Variants in SLC43A2 observed in about 807,000 individuals in gnomAD.
SLC43A2 encodes large neutral amino acids transporter small subunit 4.
SLC43A2 carries 38 observed loss-of-function variants against 63.2 expected under a neutral mutation model. The observed-to-expected ratio is 0.60, with a 90% CI of 0.46 to 0.79. The LOEUF is 0.79. Ranked by LOEUF, SLC43A2 falls within the 30% of genes least tolerant of loss-of-function variation. The pLI is 0.00. For missense variants in SLC43A2, 644 were observed against 756.2 expected, an observed-to-expected ratio of 0.85 and a Z score of 1.74; for synonymous variants, 322 against 331.0, an observed-to-expected ratio of 0.97 and a Z score of 0.30.
At chr17:1,627,315 C>T (rs1276777528) in intron 2 of SLC43A2, among the ~76,000 whole-genome samples, 1 of 152,152 alleles carries the variant, frequency 6.6e-6, no homozygotes, top group Non-Finnish European at 1.5e-5. Context: ...TGCACCCCAG[C>T]CCCTTAATCT....
In SLC43A2 at chr17:1,591,215, G is replaced by A. The variant is rs761339947; in HGVS notation, c.931+54C>T. 15 of 1,579,944 alleles carry A rather than the reference G, an allele frequency of 9.5e-6. No homozygotes were observed. The Admixed American group carries it at 1.2e-4, about 12-fold the overall frequency. ...GGGTGAGGTGGGAATGGGGTGAGCC[G>A]ATACCCACAGAGCACTCCCTGCCCG... On this transcript the variant is annotated intron_variant, in intron 8 of 13. Coordinates refer to ENST00000301335, the MANE Select transcript of SLC43A2 (RefSeq NM_152346.3).
intron 2 of SLC43A2, among the ~76,000 whole-genome samples, chr17:1,623,374 G>A (rs1908340467): frequency 6.6e-6 from 1 of 152,164 alleles, no homozygotes; most frequent in Non-Finnish European, 1.5e-5. Flanking sequence ...CATGCCCATG[G>A]TCAGACTGTG....
At chr17:1,597,584 G>A (rs1905436456) in intron 5 of SLC43A2, among the ~76,000 whole-genome samples, 1 of 150,490 alleles carries the variant, frequency 6.6e-6, no homozygotes. Context: ...CGGATCACCT[G>A]AGGTCAGGAG....
At chr17:1,614,062 T>C (rs1445410522) in intron 4 of SLC43A2, among the ~76,000 whole-genome samples, 2 of 151,940 alleles carry the variant, frequency 1.3e-5, no homozygotes, top group Non-Finnish European at 2.9e-5. Context: ...GTTAACACAG[T>C]GAAACCCCAT....
At chr17:1,581,311 C>T (rs371803705) in intron 11 of SLC43A2, among the ~76,000 whole-genome samples, 1 of 152,198 alleles carries the variant, frequency 6.6e-6, no homozygotes, top group Non-Finnish European at 1.5e-5. Flanking sequence ...AAAAAGATGA[C>T]TGTCCCCACT....
chr17:1,591,739 G>GGGGGGGGGGGTGGGGC, intron 6 of SLC43A2, 40 bp from the exon 7 acceptor site: 2 of 512,310 alleles, frequency 3.9e-6, no homozygotes, highest in Non-Finnish European at 7.8e-6. Context: ...GGGGGAGGGG[G>GGGGGGGGGGGTGGGGC]CAGAGTTAGC....
intron 5 of SLC43A2, among the ~76,000 whole-genome samples, chr17:1,607,721 C>CT (rs1371421738): frequency 3.5e-3 from 514 of 147,028 alleles, no homozygotes; most frequent in African/African-American, 9.5e-3. Flanking sequence ...AGACAATAGA[C>CT]TTTTTTTTTT....
chr17:1,615,571 C>A (rs546160138), intron 3 of SLC43A2, among the ~76,000 whole-genome samples: 15 of 149,818 alleles, frequency 1.0e-4, no homozygotes, highest in Non-Finnish European at 1.6e-4. Context: ...GGGCCAGGCA[C>A]GATGGCTCAC....
At chr17:1,586,498 C>T (rs990191527) in intron 9 of SLC43A2, among the ~76,000 whole-genome samples, 1 of 152,046 alleles carries the variant, frequency 6.6e-6, no homozygotes, top group Non-Finnish European at 1.5e-5. Flanking sequence ...AGTTCGAGAC[C>T]AGACTGACCA....
rs142760398 is a variant in SLC43A2 at position 1,589,003 on chromosome 17, C to G, written c.1078+1799G>C. On this transcript the variant is annotated intron_variant, in intron 9 of 13. Coordinates refer to ENST00000301335, the MANE Select transcript of SLC43A2 (RefSeq NM_152346.3). ...GCTCACGAGTGTGCGGAAAGTGACCCGGACCCTGCAGCTGCCTCTCGGCCG... is the reference window on the plus strand; with the variant it reads ...GCTCACGAGTGTGCGGAAAGTGACCGGGACCCTGCAGCTGCCTCTCGGCCG... 4.1e-3 allele frequency among the ~76,000 whole-genome samples: 621 copies of G among 152,332 alleles called. 2 individuals carry two copies. Among genetic ancestry groups the G allele is most frequent in the Non-Finnish European group, 6.7e-3 (454 of 68,034 alleles).
At chr17:1,610,835 C>T (rs1246226818) in intron 5 of SLC43A2, among the ~76,000 whole-genome samples, 1 of 150,392 alleles carries the variant, frequency 6.6e-6, no homozygotes. Context: ...TAAAGTCTTT[C>T]TTTTTTTCCT....
Position 1,575,365 on chromosome 17 carries a change from C to A in SLC43A2, c.*239G>T. On this transcript the variant is annotated 3_prime_UTR_variant, in exon 14 of 14. Transcript: ENST00000301335. ...ACAGAGACCCCAGGCCCCGGGTCCC[C>A]GGGGGGCGGCAGAGCAAAGTCAGGG... is the stretch of plus-strand genomic sequence containing the variant. 1 of 564,102 alleles carries A rather than the reference C, an allele frequency of 1.8e-6. No homozygotes were observed. The highest frequency in any genetic ancestry group is 3.3e-5 in the East Asian group (1 of 30,572). 34.9% of individuals were successfully genotyped at this position (564,102 alleles called of 1,614,324 possible). A position where few individuals can be genotyped will look rare whatever the true frequency, so the allele number is the denominator to read the frequency against.
At chr17:1,588,083 G>C (rs8075750) in intron 9 of SLC43A2, among the ~76,000 whole-genome samples, 62,231 of 152,206 alleles carry the variant, frequency 0.41, 15,100 homozygotes, top group Non-Finnish European at 0.56. Context: ...GGACAGCATG[G>C]GCCACGTCTT....
At chr17:1,619,167 T>C (rs143438624) in intron 2 of SLC43A2, among the ~76,000 whole-genome samples, 1,575 of 151,832 alleles carry the variant, frequency 0.01, 29 homozygotes, top group African/African-American at 0.035. Flanking sequence ...TAGCCGGGCA[T>C]GGTGGGCGTC....
intron 9 of SLC43A2, chr17:1,586,924 A>T: frequency 1.2e-5 from 18 of 1,470,220 alleles, no homozygotes; most frequent in Non-Finnish European, 1.6e-5. Context: ...GCATTCCCTG[A>T]CAATCCCCCC....
intron 8 of SLC43A2, 134 bp downstream of exon 8, chr17:1,591,135 A>AG (rs1904731231): frequency 7.6e-7 from 1 of 1,308,698 alleles, no homozygotes; most frequent in Admixed American, 2.3e-5. Flanking sequence ...TCCCTCCCCC[A>AG]GGCCTTCCTG....
intron 5 of SLC43A2, chr17:1,604,282 G>A (rs1224773538): frequency 6.5e-6 from 1 of 153,238 alleles, no homozygotes; most frequent in Non-Finnish European, 1.5e-5. Flanking sequence ...TCGAACTCCT[G>A]ACTTCAGGTG....
chr17:1,601,743 A>G (rs943864230), intron 5 of SLC43A2, among the ~76,000 whole-genome samples: 3 of 150,170 alleles, frequency 2.0e-5, no homozygotes, highest in South Asian at 2.1e-4. Context: ...GTCCAAACCA[A>G]TGCAAAGGTG....
intron 2 of SLC43A2, among the ~76,000 whole-genome samples, chr17:1,620,258 C>G (rs1908034239): frequency 6.6e-6 from 1 of 152,186 alleles, no homozygotes; most frequent in Non-Finnish European, 1.5e-5. Context: ...ACCCCAACTA[C>G]TTTGGAGGCT....
Sources: gnomAD v4.1 joint callset for allele counts (sites outside exome capture counted in the v4.1 genomes callset) on GRCh38, gnomAD v4.1.1 for gene constraint, MANE v1.5 for transcripts, NCBI Gene and HGNC (gene_info 2026-07-23, HGNC 2026-07-21) for gene names.